CTNND2: variants seen among roughly 807,000 people sequenced by gnomAD.
CTNND2 encodes catenin delta 2.
In CTNND2, 22 loss-of-function variants were observed where a neutral mutation model predicts 144.4. That is an observed-to-expected ratio of 0.15 (90% CI 0.11 to 0.22). CTNND2 has a LOEUF of 0.22. Ranked by LOEUF, CTNND2 falls within the 10% of genes least tolerant of loss-of-function variation. The pLI, the probability that CTNND2 is intolerant of heterozygous loss-of-function variation, is 1.00. For missense variants in CTNND2, 1,353 were observed against 1,618.8 expected, an observed-to-expected ratio of 0.84 and a Z score of 2.82; for synonymous variants, 751 against 695.6, an observed-to-expected ratio of 1.08 and a Z score of -1.25.
chr5:11,627,890 CG>C (rs1487499077), intron 2 of CTNND2, among the ~76,000 whole-genome samples: 2 of 150,836 alleles, frequency 1.3e-5, no homozygotes, highest in Non-Finnish European at 2.9e-5. Context: ...TCATAAGGAG[CG>C]CACAACCTAG....
chr5:11,716,564 C>G (rs1786363307), intron 2 of CTNND2, among the ~76,000 whole-genome samples: 1 of 152,210 alleles, frequency 6.6e-6, no homozygotes, highest in African/African-American at 2.4e-5. Context: ...TATTTTCTCT[C>G]TATACAATTT....
At chr5:11,297,630 A>G (rs1046049235) in intron 9 of CTNND2, among the ~76,000 whole-genome samples, 2 of 152,216 alleles carry the variant, frequency 1.3e-5, no homozygotes, top group Admixed American at 1.3e-4. Context: ...AATATTAAAT[A>G]CAGTAAATAT....
intron 1 of CTNND2, among the ~76,000 whole-genome samples, chr5:11,774,284 G>A (rs994336362): frequency 6.6e-6 from 1 of 151,540 alleles, no homozygotes; most frequent in Non-Finnish European, 1.5e-5. Flanking sequence ...CAAAGGACAT[G>A]AACTCATCAT....
intron 1 of CTNND2, among the ~76,000 whole-genome samples, chr5:11,845,073 G>C (rs1008706872): frequency 1.3e-5 from 2 of 152,096 alleles, no homozygotes; most frequent in Non-Finnish European, 2.9e-5. Context: ...GGACGCATAA[G>C]GAAGCCACAG....
chr5:11,106,042 T>G (rs1456809607), intron 14 of CTNND2, among the ~76,000 whole-genome samples: 8 of 152,178 alleles, frequency 5.3e-5, no homozygotes, highest in Admixed American at 5.2e-4. Context: ...AATGAAAGCC[T>G]AGGAGCATCC....
At chr5:11,840,069 T>G (rs1330406329) in intron 1 of CTNND2, among the ~76,000 whole-genome samples, 2 of 152,136 alleles carry the variant, frequency 1.3e-5, no homozygotes, top group African/African-American at 4.8e-5. Context: ...CTTAAAAAAA[T>G]TATAAAAGCT....
At chr5:11,284,685 C>T (rs1747543463) in intron 9 of CTNND2, among the ~76,000 whole-genome samples, 1 of 152,150 alleles carries the variant, frequency 6.6e-6, no homozygotes, top group Admixed American at 6.5e-5. Flanking sequence ...TGGGTTGATT[C>T]CATGTCTTTG....
rs897731475 is a variant in CTNND2, at chr5:11,837,220, C to T, written c.37+66597G>A. On this transcript the variant is annotated intron_variant, in intron 1 of 21. Transcript: ENST00000304623. ...TTTACTGGACATCTACCTCAAAGGA[C>T]ATGAAAAAATCTGGTGAATGGAGGG... Among the ~76,000 whole-genome samples the T allele has an allele frequency of 3.3e-5, 5 of 152,102 alleles. No individual in the cohort carries two copies. The South Asian group carries it at 6.2e-4, about 19-fold the overall frequency.
At chr5:11,235,139 C>T (rs964243071) in intron 10 of CTNND2, among the ~76,000 whole-genome samples, 1 of 152,006 alleles carries the variant, frequency 6.6e-6, no homozygotes, top group East Asian at 1.9e-4. Context: ...CCCACTTCGG[C>T]GGGGCACTAC....
rs1738076158 is a variant in CTNND2 at position 11,903,508 on chromosome 5, T to C, written c.37+309A>G. 1 of 560,302 alleles carries C rather than the reference T, an allele frequency of 1.8e-6. No individual in the cohort carries two copies. The highest frequency in any genetic ancestry group is 2.1e-5 in the African/African-American group (1 of 48,628). The allele number at this position is 560,302 out of a possible 1,614,324, so 34.7% of individuals were successfully genotyped here. On this transcript the variant is annotated intron_variant, in intron 1 of 21. Coordinates refer to ENST00000304623, the MANE Select transcript of CTNND2 (RefSeq NM_001332.4). This position sits in a 1 kb window ranked among gnomAD's most constrained non-coding sequence, Gnocchi z 5.4. ...GTTCTCAGGGTGGCGGGGAGCAGCA[T>C]TGTCGGTGTTGCCCTAAATACGCTT...
chr5:11,312,530 A>G (rs1316540251), intron 9 of CTNND2, among the ~76,000 whole-genome samples: 1 of 152,080 alleles, frequency 6.6e-6, no homozygotes, highest in African/African-American at 2.4e-5. Context: ...ATAGGATGGG[A>G]AAGACCGGCC....
intron 1 of CTNND2, among the ~76,000 whole-genome samples, chr5:11,737,588 G>A (rs1000192690): frequency 3.3e-5 from 5 of 152,176 alleles, no homozygotes; most frequent in Non-Finnish European, 4.4e-5. Context: ...GTTTCAGGGT[G>A]CAAGTCACCC....
intron 11 of CTNND2, among the ~76,000 whole-genome samples, chr5:11,197,972 G>A (rs188008809): frequency 1.3e-5 from 2 of 152,302 alleles, no homozygotes; most frequent in Non-Finnish European, 2.9e-5. Context: ...AAGGTGCTCT[G>A]CTGGTCTTCC....
intron 3 of CTNND2, among the ~76,000 whole-genome samples, chr5:11,515,720 G>A (rs1049432245): frequency 6.6e-6 from 1 of 152,116 alleles, no homozygotes; most frequent in African/African-American, 2.4e-5. Flanking sequence ...TTCAGCAGAA[G>A]TGCATAGAAA....
chr5:11,604,952 G>C (rs1343313100), intron 2 of CTNND2, among the ~76,000 whole-genome samples: 1 of 152,180 alleles, frequency 6.6e-6, no homozygotes, highest in Non-Finnish European at 1.5e-5. Flanking sequence ...AGTTTGGTAT[G>C]TTGCAGAAAG....
intron 3 of CTNND2, among the ~76,000 whole-genome samples, chr5:11,434,008 A>G (rs999123520): frequency 3.3e-5 from 5 of 152,208 alleles, no homozygotes. Context: ...TATTTACAAA[A>G]AGACTTGTAA....
intron 18 of CTNND2, among the ~76,000 whole-genome samples, chr5:10,998,475 T>C (rs1319404083): frequency 6.6e-6 from 1 of 152,188 alleles, no homozygotes; most frequent in Admixed American, 6.5e-5. Flanking sequence ...AAACATAAAA[T>C]TTGTGTGCTG....
chr5:11,346,094 T>C lies in CTNND2; in HGVS notation c.1628+278A>G, dbSNP rs17801366. Among the ~76,000 whole-genome samples the C allele has an allele frequency of 0.02, 3,003 of 152,246 alleles. 44 individuals carry two copies. Among genetic ancestry groups the C allele is most frequent in the Non-Finnish European group, 0.034 (2,290 of 67,990 alleles). ...AGCCTCCAGTCCCCAGTTTCCCCTGTATTAAAGACGGCTGTTTACATCTCA... is the reference window on the plus strand; with the variant it reads ...AGCCTCCAGTCCCCAGTTTCCCCTGCATTAAAGACGGCTGTTTACATCTCA... On this transcript the variant is annotated intron_variant, in intron 9 of 21. Transcript: ENST00000304623.
chr5:11,018,175 T>C (rs374485960), intron 17 of CTNND2, 117 bp from the exon 18 acceptor site: 7 of 692,730 alleles, frequency 1.0e-5, no homozygotes, highest in African/African-American at 8.9e-5. Flanking sequence ...TGGTGATCTA[T>C]GATCAGTGCT....
Sources: allele counts gnomAD v4.1 joint callset (sites outside exome capture counted in the v4.1 genomes callset), GRCh38; gene constraint gnomAD v4.1.1; non-coding constraint Gnocchi (gnomAD v3.1); transcripts MANE v1.5; gene names NCBI Gene and HGNC (gene_info 2026-07-23, HGNC 2026-07-21).